Variants in LDB2 observed in about 807,000 individuals in gnomAD.
LDB2 encodes LIM domain binding 2.
Under a neutral mutation model 44.3 loss-of-function variants are expected in LDB2, and 12 were observed. That is an observed-to-expected ratio of 0.27 (90% CI 0.17 to 0.44). LDB2 has a LOEUF of 0.44. Ranked by LOEUF, LDB2 falls within the 20% of genes least tolerant of loss-of-function variation. LDB2 has a pLI of 1.00. For synonymous variants in LDB2, 164 were observed against 174.8 expected (o/e 0.94, Z 0.49); for missense variants, 344 against 473.5 (o/e 0.73, Z 2.54).
intron 5 of LDB2, among the ~76,000 whole-genome samples, chr4:16,584,103 T>C (rs1487117286): frequency 6.6e-6 from 1 of 152,190 alleles, no homozygotes; most frequent in Non-Finnish European, 1.5e-5. Flanking sequence ...TGTGTTTCTC[T>C]ACGTGGCTCC....
chr4:16,871,833 G>A (rs1380384014), intron 1 of LDB2, among the ~76,000 whole-genome samples: 1 of 151,992 alleles, frequency 6.6e-6, no homozygotes, highest in Non-Finnish European at 1.5e-5. Context: ...TGTTGGCTAG[G>A]CTGGTCTTGA....
At chr4:16,512,446 CAAACAAAACAAAACAA>C (rs1722131957) in intron 5 of LDB2, among the ~76,000 whole-genome samples, 1 of 126,056 alleles carries the variant, frequency 7.9e-6, no homozygotes, top group Non-Finnish European at 1.8e-5. Flanking sequence ...TGGTTAAAAA[CAAACAAAACAAAACAA>C]AAACAAACAA....
chr4:16,575,064 G>A (rs188240450), intron 5 of LDB2, among the ~76,000 whole-genome samples: 2 of 152,208 alleles, frequency 1.3e-5, no homozygotes, highest in East Asian at 3.9e-4. Flanking sequence ...TAGGGGAGTG[G>A]TATTAATGAC....
intron 2 of LDB2, among the ~76,000 whole-genome samples, chr4:16,629,167 C>T (rs1051164100): frequency 3.3e-5 from 5 of 152,192 alleles, no homozygotes; most frequent in African/African-American, 4.8e-5. Flanking sequence ...AGGCCTACTG[C>T]CTCTCTAGAT....
At chr4:16,803,778 TA>T (rs1259457003) in intron 1 of LDB2, among the ~76,000 whole-genome samples, 8 of 152,252 alleles carry the variant, frequency 5.3e-5, no homozygotes, top group Non-Finnish European at 1.0e-4. Context: ...GTACTTATTT[TA>T]GGTTTGTTCA....
At chr4:16,807,588 T>C (rs1361261981) in intron 1 of LDB2, among the ~76,000 whole-genome samples, 1 of 152,198 alleles carries the variant, frequency 6.6e-6, no homozygotes, top group Non-Finnish European at 1.5e-5. Context: ...CAAAAGATCA[T>C]TGGCTGCTTA....
At chr4:16,855,360 T>C (rs1206438015) in intron 1 of LDB2, among the ~76,000 whole-genome samples, 2 of 152,120 alleles carry the variant, frequency 1.3e-5, no homozygotes, top group East Asian at 3.8e-4. Context: ...GAAGTACAAA[T>C]TATAAATTAT....
At chr4:16,590,987 C>A (rs1449289463) in intron 3 of LDB2, among the ~76,000 whole-genome samples, 1 of 152,162 alleles carries the variant, frequency 6.6e-6, no homozygotes, top group Admixed American at 6.5e-5. Flanking sequence ...ATGACAGAAG[C>A]CACCTGTGGT....
intron 2 of LDB2, among the ~76,000 whole-genome samples, chr4:16,723,253 CTT>C: frequency 6.6e-6 from 1 of 152,298 alleles, no homozygotes; most frequent in East Asian, 1.9e-4. Context: ...AAAGAAAAGA[CTT>C]TTATTCAGCT....
chr4:16,812,582 TTATATATATATATATATATATA>T (rs6148319), intron 1 of LDB2, among the ~76,000 whole-genome samples: 11 of 115,560 alleles, frequency 9.5e-5, no homozygotes, highest in African/African-American at 4.3e-4. Flanking sequence ...ATCAATGAAA[TTATATATATATATATATATATA>T]TATATATATA....
intron 5 of LDB2, among the ~76,000 whole-genome samples, chr4:16,560,682 A>G (rs1362531311): frequency 2.6e-5 from 4 of 152,232 alleles, no homozygotes; most frequent in African/African-American, 9.6e-5. Flanking sequence ...ATTCCAATCA[A>G]TAGAAAAAGA....
Position 16,897,200 on chromosome 4 carries a change from C to T in LDB2, c.132+1154G>A, listed in dbSNP as rs73131711. On this transcript the variant is annotated intron_variant, in intron 1 of 7. Coordinates refer to ENST00000304523, the MANE Select transcript of LDB2 (RefSeq NM_001290.5). ...ACTGTGTTTTATCCCATAGCACAAA[C>T]TTAATGGAGTCCCTTCCTAGAGTTA... Among the ~76,000 whole-genome samples the T allele has an allele frequency of 3.3e-3, 507 of 152,294 alleles. 4 individuals carry two copies. The highest frequency in any genetic ancestry group is 0.011 in the African/African-American group (450 of 41,566).
At chr4:16,891,214 T>TAA (rs551204831) in intron 1 of LDB2, among the ~76,000 whole-genome samples, 28 of 123,430 alleles carry the variant, frequency 2.3e-4, no homozygotes, top group Admixed American at 5.6e-4. Flanking sequence ...TATTTTTAAG[T>TAA]AAAAAAAAAA....
At chr4:16,876,305 AG>A (rs1718371539) in intron 1 of LDB2, among the ~76,000 whole-genome samples, 1 of 152,216 alleles carries the variant, frequency 6.6e-6, no homozygotes, top group Non-Finnish European at 1.5e-5. Context: ...ATTTAAATCT[AG>A]GGGTACACAC....
chr4:16,689,763 A>G (rs543662058), intron 2 of LDB2, among the ~76,000 whole-genome samples: 1 of 152,346 alleles, frequency 6.6e-6, no homozygotes, highest in East Asian at 1.9e-4. Flanking sequence ...TCTTGCTTGG[A>G]TTACAAGTGA....
chr4:16,743,313 C>G (rs185190859), intron 2 of LDB2, among the ~76,000 whole-genome samples: 12 of 152,102 alleles, frequency 7.9e-5, no homozygotes, highest in Non-Finnish European at 1.5e-5. Flanking sequence ...GTCAGGATGT[C>G]TCATATTATA....
chr4:16,846,522 A>C (rs570176705), intron 1 of LDB2, among the ~76,000 whole-genome samples: 1 of 152,234 alleles, frequency 6.6e-6, no homozygotes, highest in Non-Finnish European at 1.5e-5. Flanking sequence ...ATGCATGGAA[A>C]TCAGACTTTT....
At position 16,856,504 on chromosome 4, in the gene LDB2, A is replaced by G. The variant is rs139510329; in HGVS notation, c.132+41850T>C. Among the ~76,000 whole-genome samples, 206 of 152,294 alleles carry G rather than the reference A, an allele frequency of 1.4e-3. 2 individuals are homozygous for G. Among genetic ancestry groups the G allele is most frequent in the African/African-American group, 4.8e-3 (199 of 41,574 alleles). The stretch of plus-strand genomic sequence containing the variant: ...AACAAAAACCACGCGGTAAATATCA[A>G]TATCTTTGATTTTGCAGGTCAAAGT... On this transcript the variant is annotated intron_variant, in intron 1 of 7. Coordinates refer to ENST00000304523, the MANE Select transcript of LDB2 (RefSeq NM_001290.5).
intron 5 of LDB2, among the ~76,000 whole-genome samples, chr4:16,561,739 C>CA (rs925554513): frequency 4.6e-5 from 7 of 152,052 alleles, no homozygotes; most frequent in African/African-American, 1.4e-4. Flanking sequence ...CACATGGAAC[C>CA]AAAAAAGAGC....
Sources: allele counts gnomAD v4.1 joint callset (sites outside exome capture counted in the v4.1 genomes callset), GRCh38; gene constraint gnomAD v4.1.1; transcripts MANE v1.5; gene names NCBI Gene and HGNC (gene_info 2026-07-23, HGNC 2026-07-21).